Variants in MYRIP observed in about 807,000 individuals in gnomAD.
MYRIP encodes rab effector MyRIP.
Under a neutral mutation model 98.0 loss-of-function variants are expected in MYRIP, and 49 were observed. That is an observed-to-expected ratio of 0.50 (90% CI 0.40 to 0.63). The LOEUF is 0.63. Ranked by LOEUF, MYRIP falls within the 30% of genes least tolerant of loss-of-function variation. MYRIP has a pLI of 0.00. For missense variants in MYRIP, 1,004 were observed against 1,058.2 expected (o/e 0.95, Z 0.71); for synonymous variants, 404 against 409.5 (o/e 0.99, Z 0.16).
At chr3:40,243,055 C>G (rs1953075813) in intron 12 of MYRIP, among the ~76,000 whole-genome samples, 1 of 152,026 alleles carries the variant, frequency 6.6e-6, no homozygotes, top group East Asian at 1.9e-4. Context: ...CTGTATGAAA[C>G]AGAATTACAT....
At chr3:39,837,732 G>T (rs979743921) in intron 1 of MYRIP, among the ~76,000 whole-genome samples, 7 of 152,152 alleles carry the variant, frequency 4.6e-5, no homozygotes, top group African/African-American at 1.7e-4. Context: ...ATTTAAAGTA[G>T]TTTTTTCTAA....
At position 40,138,468 on chromosome 3, in the gene MYRIP, G is replaced by A. The variant is rs138041420; in HGVS notation, c.333-12580G>A. 9.3e-3 allele frequency among the ~76,000 whole-genome samples: 1,415 copies of A among 152,166 alleles called. 9 individuals carry two copies. The highest frequency in any genetic ancestry group is 0.015 in the South Asian group (70 of 4,796). ...GGTTTGCTGTTATTTCCAAAAGATCGTATTAAATTTTTCAGTGTTTAGAGG... is the reference window on the plus strand; with the variant it reads ...GGTTTGCTGTTATTTCCAAAAGATCATATTAAATTTTTCAGTGTTTAGAGG... On this transcript the variant is annotated intron_variant, in intron 3 of 16. Transcript: ENST00000302541.
At chr3:39,928,926 A>G (rs1368191368) in intron 2 of MYRIP, among the ~76,000 whole-genome samples, 4 of 151,996 alleles carry the variant, frequency 2.6e-5, no homozygotes, top group Admixed American at 2.6e-4. Context: ...GTCTACATGG[A>G]AAATCCCAAG....
rs888287909 is a variant in MYRIP at position 39,900,852 on chromosome 3, T to C, written c.36T>C (p.Asp12=). The C allele has an allele frequency of 2.5e-6, 4 of 1,613,854 alleles. No homozygotes were observed. The highest frequency in any genetic ancestry group is 3.4e-6 in the Non-Finnish European group (4 of 1,180,010). The part of the protein sequence containing the change: ...GRKLDLSGLT[D]DETEHVLQVV... Reference sequence around the variant, plus strand: ...AGCTGGACCTGTCTGGTTTGACTGATGATGAAACAGAGCATGTTCTTCAGG... The same window carrying C: ...AGCTGGACCTGTCTGGTTTGACTGACGATGAAACAGAGCATGTTCTTCAGG... Residue 12 remains aspartate (D), a synonymous_variant, in exon 2 of 17, where the codon GAT becomes GAC. Coordinates refer to ENST00000302541, the MANE Select transcript of MYRIP (RefSeq NM_015460.4).
At chr3:40,160,798 G>A (rs1350939988) in intron 4 of MYRIP, among the ~76,000 whole-genome samples, 1 of 152,168 alleles carries the variant, frequency 6.6e-6, no homozygotes, top group Non-Finnish European at 1.5e-5. Flanking sequence ...TCTTTGACTA[G>A]GAAAGGGAAC....
intron 8 of MYRIP, chr3:40,173,572 C>G (rs146874532): frequency 2.5e-4 from 38 of 152,358 alleles, no homozygotes; most frequent in African/African-American, 8.4e-4. Context: ...ACAACAGAGG[C>G]GTTTCATTCA....
At chr3:40,203,088 C>T (rs747092441) in intron 10 of MYRIP, among the ~76,000 whole-genome samples, 1 of 151,906 alleles carries the variant, frequency 6.6e-6, no homozygotes, top group African/African-American at 2.4e-5. Flanking sequence ...TACAACCACA[C>T]CCAGCTAATT....
intron 1 of MYRIP, among the ~76,000 whole-genome samples, chr3:39,820,107 C>T (rs188856294): frequency 4.2e-4 from 64 of 152,238 alleles, no homozygotes; most frequent in African/African-American, 1.4e-3. Context: ...AAATGCAAAA[C>T]GTGTGTGCCC....
At chr3:39,891,917 T>C (rs949725195) in intron 1 of MYRIP, among the ~76,000 whole-genome samples, 1 of 150,638 alleles carries the variant, frequency 6.6e-6, no homozygotes, top group Non-Finnish European at 1.5e-5. Flanking sequence ...GTTTTTTTTC[T>C]TTTGACTTTA....
At chr3:39,874,397 G>A (rs958153593) in intron 1 of MYRIP, among the ~76,000 whole-genome samples, 10 of 151,796 alleles carry the variant, frequency 6.6e-5, no homozygotes, top group Middle Eastern at 3.2e-3. Context: ...AGTGGTGAGA[G>A]AGGGCATCCC....
intron 1 of MYRIP, among the ~76,000 whole-genome samples, chr3:39,821,720 A>T (rs1941106529): frequency 6.6e-6 from 1 of 151,664 alleles, no homozygotes; most frequent in Non-Finnish European, 1.5e-5. Context: ...TTGACTTATG[A>T]CTTATATGTT....
Position 39,875,516 on chromosome 3 carries a change from G to A in MYRIP, c.-30-25271G>A, listed in dbSNP as rs139843324. 3.6e-3 allele frequency among the ~76,000 whole-genome samples: 554 copies of A among 151,936 alleles called. 3 individuals carry two copies. The highest frequency in any genetic ancestry group is 3.6e-3 in the Non-Finnish European group (245 of 68,008). Reference sequence around the variant, plus strand: ...TCCCTCTACATCCTGCTTTGAATGCGTCCCAGAGATTCTGGTATGTTGTGT... The same window carrying A: ...TCCCTCTACATCCTGCTTTGAATGCATCCCAGAGATTCTGGTATGTTGTGT... On this transcript the variant is annotated intron_variant, in intron 1 of 16. Coordinates refer to ENST00000302541, the MANE Select transcript of MYRIP (RefSeq NM_015460.4).
chr3:39,924,402 T>C (rs1944369589), intron 2 of MYRIP, among the ~76,000 whole-genome samples: 1 of 152,112 alleles, frequency 6.6e-6, no homozygotes, highest in African/African-American at 2.4e-5. Flanking sequence ...CATTGCATAA[T>C]GATAAACAGG....
intron 1 of MYRIP, among the ~76,000 whole-genome samples, chr3:39,899,773 G>A (rs1224168411): frequency 2.6e-5 from 4 of 152,092 alleles, no homozygotes; most frequent in Non-Finnish European, 1.5e-5. Context: ...GTTTTAATTT[G>A]CAGTTCTGTA....
intron 11 of MYRIP, among the ~76,000 whole-genome samples, chr3:40,210,317 C>T (rs1395162555): frequency 6.6e-6 from 1 of 152,154 alleles, no homozygotes; most frequent in Non-Finnish European, 1.5e-5. Flanking sequence ...TCTTACCTTC[C>T]ACTATCTTTC....
chr3:39,949,790 G>A (rs1353151369), intron 2 of MYRIP, among the ~76,000 whole-genome samples: 1 of 152,136 alleles, frequency 6.6e-6, no homozygotes, highest in African/African-American at 2.4e-5. Flanking sequence ...GGCTCAACTG[G>A]CAACTTGAAG....
chr3:39,952,955 A>C (rs1945063188), intron 2 of MYRIP, among the ~76,000 whole-genome samples: 1 of 151,996 alleles, frequency 6.6e-6, no homozygotes, highest in Non-Finnish European at 1.5e-5. Context: ...CATTGCCCAA[A>C]TCTCCTTGTT....
chr3:39,901,846 G>A (rs1425009366), intron 2 of MYRIP, among the ~76,000 whole-genome samples: 1 of 151,988 alleles, frequency 6.6e-6, no homozygotes. Context: ...CCAAAAAATG[G>A]TGGAAATAAA....
intron 1 of MYRIP, among the ~76,000 whole-genome samples, chr3:39,862,388 T>C (rs1575316574): frequency 6.6e-6 from 1 of 152,254 alleles, no homozygotes; most frequent in East Asian, 1.9e-4. Flanking sequence ...AAAACATGCT[T>C]AAATGCATAG....
Sources: allele counts gnomAD v4.1 joint callset (sites outside exome capture counted in the v4.1 genomes callset), GRCh38; gene constraint gnomAD v4.1.1; transcripts MANE v1.5; gene names NCBI Gene and HGNC (gene_info 2026-07-23, HGNC 2026-07-21).